The following RAB31 variants were observed in gnomAD, a reference collection of about 807,000 sequenced individuals.
RAB31 encodes the protein ras-related protein Rab-31.
In RAB31, 21 loss-of-function variants were observed where a neutral mutation model predicts 25.6. The observed-to-expected ratio is 0.82, with a 90% CI of 0.58 to 1.18. RAB31 has a LOEUF of 1.18. Among genes scored for constraint, RAB31 ranks in the 50% most tolerant of loss-of-function variants. The pLI, the probability that RAB31 is intolerant of heterozygous loss-of-function variation, is 0.00. For synonymous variants in RAB31, 87 were observed against 84.0 expected (o/e 1.04, Z -0.20); for missense variants, 196 against 250.1 (o/e 0.78, Z 1.46).
At chr18:9,757,286 G>A (rs1377928978) in intron 1 of RAB31, among the ~76,000 whole-genome samples, 1 of 152,206 alleles carries the variant, frequency 6.6e-6, no homozygotes, top group South Asian at 2.1e-4. Context: ...AGCCAGAGGT[G>A]CCCAGCAGGG....
rs556708016 is a variant in RAB31, at chr18:9,725,179, G to C, written c.39+16735G>C. On this transcript the variant is annotated intron_variant, in intron 1 of 6. Coordinates refer to ENST00000578921, the MANE Select transcript of RAB31 (RefSeq NM_006868.4). ...GTGCTAAAAGACTTCTTCTGACCTA[G>C]CCTCACAGATCCCAGAATGCCATTT... Among the ~76,000 whole-genome samples, 10 of 152,192 alleles carry C rather than the reference G, an allele frequency of 6.6e-5. No homozygotes were observed. The South Asian group carries it at 2.1e-3, about 32-fold the overall frequency.
intron 1 of RAB31, among the ~76,000 whole-genome samples, chr18:9,715,978 C>T (rs2068042393): frequency 6.6e-6 from 1 of 152,316 alleles, no homozygotes; most frequent in Admixed American, 6.5e-5. Context: ...CAATACTATG[C>T]TCCCATCCCC....
chr18:9,796,014 G>A (rs1399065031), intron 3 of RAB31, among the ~76,000 whole-genome samples: 1 of 152,132 alleles, frequency 6.6e-6, no homozygotes, highest in African/African-American at 2.4e-5. Flanking sequence ...TAAAGAAAAT[G>A]TGGTATATAT....
chr18:9,759,294 C>T (rs1381197060), intron 1 of RAB31, among the ~76,000 whole-genome samples: 2 of 152,062 alleles, frequency 1.3e-5, no homozygotes, highest in Non-Finnish European at 2.9e-5. Flanking sequence ...TCTCAGCCTC[C>T]CATGTACCTT....
intron 1 of RAB31, among the ~76,000 whole-genome samples, chr18:9,760,015 G>A (rs947177712): frequency 2.0e-5 from 3 of 152,104 alleles, no homozygotes; most frequent in South Asian, 2.1e-4. Flanking sequence ...CTTGCCTTGC[G>A]TTGAAGGCTT....
chr18:9,757,280 A>C (rs2068264766), intron 1 of RAB31, among the ~76,000 whole-genome samples: 1 of 152,224 alleles, frequency 6.6e-6, no homozygotes, highest in African/African-American at 2.4e-5. Context: ...CTGAGAAGCC[A>C]GAGGTGCCCA....
chr18:9,838,646 G>A (rs2143121461), intron 5 of RAB31, among the ~76,000 whole-genome samples: 1 of 152,258 alleles, frequency 6.6e-6, no homozygotes, highest in African/African-American at 2.4e-5. Context: ...CACCCCTATT[G>A]GGTAGCACAG....
At chr18:9,781,426 C>T (rs1336776938) in intron 2 of RAB31, among the ~76,000 whole-genome samples, 2 of 152,162 alleles carry the variant, frequency 1.3e-5, no homozygotes, top group Non-Finnish European at 2.9e-5. Context: ...AAGCAATTCT[C>T]ATGCCTCAGC....
At chr18:9,733,658 G>A (rs2068134712) in intron 1 of RAB31, among the ~76,000 whole-genome samples, 1 of 152,164 alleles carries the variant, frequency 6.6e-6, no homozygotes, top group Non-Finnish European at 1.5e-5. Flanking sequence ...ACAGGTGGGT[G>A]TGGACAAGAC....
At chr18:9,827,507 A>C (rs972325207) in intron 5 of RAB31, among the ~76,000 whole-genome samples, 7 of 151,918 alleles carry the variant, frequency 4.6e-5, no homozygotes, top group Admixed American at 2.6e-4. Flanking sequence ...AATACAACCC[A>C]GGAGATGCTC....
intron 1 of RAB31, among the ~76,000 whole-genome samples, chr18:9,761,790 C>T (rs1379192305): frequency 6.6e-6 from 1 of 152,172 alleles, no homozygotes; most frequent in African/African-American, 2.4e-5. Context: ...AAGAGGGTCG[C>T]AAGCATCTTT....
chr18:9,730,754 T>C (rs1018067052), intron 1 of RAB31, among the ~76,000 whole-genome samples: 4 of 152,220 alleles, frequency 2.6e-5, no homozygotes, highest in Non-Finnish European at 4.4e-5. Context: ...CATTCTGTAT[T>C]GTCAATGTGA....
chr18:9,857,670 TA>T (rs1490845121), intron 6 of RAB31, among the ~76,000 whole-genome samples: 4 of 125,718 alleles, frequency 3.2e-5, no homozygotes, highest in Admixed American at 7.5e-5. Context: ...GATAGATAGA[TA>T]GATAGATAGA....
chr18:9,797,088 G>C (rs149887173), intron 3 of RAB31, among the ~76,000 whole-genome samples: 34 of 152,206 alleles, frequency 2.2e-4, no homozygotes, highest in African/African-American at 8.2e-4. Flanking sequence ...CAGCTGCCTG[G>C]GGCACCTCTT....
chr18:9,749,548 GT>G (rs1391272147), intron 1 of RAB31, among the ~76,000 whole-genome samples: 8 of 152,170 alleles, frequency 5.3e-5, no homozygotes, highest in African/African-American at 1.9e-4. Flanking sequence ...TTCTGGTCCA[GT>G]TCCCTAAGGT....
intron 6 of RAB31, among the ~76,000 whole-genome samples, chr18:9,857,682 TAGATGATA>T (rs376385569): frequency 0.016 from 2,068 of 127,674 alleles, 13 homozygotes; most frequent in African/African-American, 0.023. Context: ...GATAGATAGA[TAGATGATA>T]GATAGATAGA....
intron 1 of RAB31, among the ~76,000 whole-genome samples, chr18:9,738,653 A>T (rs895077472): frequency 1.3e-5 from 2 of 152,154 alleles, no homozygotes; most frequent in Non-Finnish European, 2.9e-5. Context: ...CCTGTGTAAC[A>T]TCCTTTATAA....
chr18:9,723,224 T>G (rs2068081303), intron 1 of RAB31, among the ~76,000 whole-genome samples: 1 of 152,032 alleles, frequency 6.6e-6, no homozygotes, highest in African/African-American at 2.4e-5. Context: ...ATTTTTGTGT[T>G]TTTAGTGGAG....
At chr18:9,752,139 G>A (rs1047440009) in intron 1 of RAB31, among the ~76,000 whole-genome samples, 2 of 152,162 alleles carry the variant, frequency 1.3e-5, no homozygotes, top group Middle Eastern at 3.2e-3. Flanking sequence ...CAGCCTCTGC[G>A]TGGAAGGACA....
Sources: allele counts gnomAD v4.1 joint callset (sites outside exome capture counted in the v4.1 genomes callset), GRCh38; gene constraint gnomAD v4.1.1; transcripts MANE v1.5; gene names NCBI Gene and HGNC (gene_info 2026-07-23, HGNC 2026-07-21).